Variants in ALKAL2 observed in about 807,000 individuals in gnomAD.
ALKAL2 encodes the protein AUG-alpha.
In ALKAL2, 8 loss-of-function variants were observed where a neutral mutation model predicts 18.5. The ratio of observed to expected loss-of-function variants is 0.43; its 90% CI spans 0.25 to 0.78. The LOEUF (loss-of-function observed/expected upper bound fraction) is 0.78, where lower values mean the gene tolerates loss of function less well. ALKAL2 is among the 30% of genes least tolerant of loss of function. ALKAL2 has a pLI of 0.22. For synonymous variants in ALKAL2, 135 were observed against 95.8 expected, an observed-to-expected ratio of 1.41 and a Z score of -2.39; for missense variants, 241 against 211.2, an observed-to-expected ratio of 1.14 and a Z score of -0.88.
chr2:287,931 A>G (rs1266357570), intron 1 of ALKAL2, 39 bp from the exon 2 acceptor site: 1 of 1,041,886 alleles, frequency 9.6e-7, no homozygotes, highest in African/African-American at 1.8e-5. Context: ...AGAGAAAGTC[A>G]GCGGGGGAGG....
chr2:287,698 C>T lies in ALKAL2; in HGVS notation c.138G>A (p.Gln46=), dbSNP rs759088045. ...ALLRLVVELV[Q]ELRKHHSAEH... ...CCGCCGAGTGGTGCTTCCGCAGCTC[C>T]TGGACGAGTTCCACCACCAGCCGCA... is the stretch of plus-strand genomic sequence containing the variant. Residue 46 remains glutamine, a synonymous_variant, in exon 2 of 6, where the codon CAG becomes CAA. Transcript: ENST00000403610. The T allele has an allele frequency of 1.2e-5, 18 of 1,479,646 alleles. No individual in the cohort carries two copies. Among genetic ancestry groups the T allele is most frequent in the South Asian group, 2.6e-5 (2 of 78,192 alleles). The allele number at this position is 1,479,646 out of a possible 1,614,324, so 91.7% of individuals were successfully genotyped here.
intron 2 of ALKAL2, 93 bp from the exon 3 acceptor site, chr2:286,436 A>G (rs1558269618): frequency 2.1e-6 from 2 of 948,894 alleles, no homozygotes; most frequent in Admixed American, 2.4e-5. Flanking sequence ...TTGGAGCTCC[A>G]TATTAGCCAA....
rs1044533893 is a variant in ALKAL2 at position 288,004 on chromosome 2, G to T, written c.-58+9C>A. 2 of 1,230,206 alleles carry T rather than the reference G, an allele frequency of 1.6e-6. No individual in the cohort carries two copies. The highest frequency in any genetic ancestry group is 3.7e-5 in the South Asian group (1 of 26,802). 76.2% of individuals were successfully genotyped at this position (1,230,206 alleles called of 1,614,324 possible). A position where few individuals can be genotyped will look rare whatever the true frequency, so the allele number is the denominator to read the frequency against. The stretch of plus-strand genomic sequence containing the variant: ...GGAGGAGCCGCTGGCGCTGGACCCG[G>T]CCCCTCACCTCCGCGGACCCCGAGG... On this transcript the variant is annotated intron_variant, in intron 1 of 5. Transcript: ENST00000403610.
chr2:287,855 G>T lies in ALKAL2; in HGVS notation c.-20C>A. On this transcript the variant is annotated 5_prime_UTR_variant, in exon 2 of 6. Coordinates refer to ENST00000403610, the MANE Select transcript of ALKAL2 (RefSeq NM_001002919.3). ...GCGCATCGTGCGCTCGGGGCCGCGG[G>T]GCTGGGAGACTCCGACACGCGCCGA... 1 of 1,283,246 alleles carries T rather than the reference G, an allele frequency of 7.8e-7. No homozygotes were observed. Among genetic ancestry groups the T allele is most frequent in the Non-Finnish European group, 9.8e-7 (1 of 1,022,176 alleles). 79.5% of individuals were successfully genotyped at this position (1,283,246 alleles called of 1,614,324 possible).
intron 5 of ALKAL2, among the ~76,000 whole-genome samples, chr2:282,450 C>G (rs1670384500): frequency 6.6e-6 from 1 of 152,228 alleles, no homozygotes; most frequent in South Asian, 2.1e-4. Flanking sequence ...ATTACAGTTG[C>G]ATCCTGCTGT....
intron 5 of ALKAL2, among the ~76,000 whole-genome samples, 158 bp from the exon 6 acceptor site, chr2:280,310 T>C (rs983978154): frequency 6.6e-6 from 1 of 152,258 alleles, no homozygotes; most frequent in African/African-American, 2.4e-5. Flanking sequence ...GTGTAGTCTA[T>C]TGTATTTTTA....
chr2:284,493 T>C (rs1670442326), intron 4 of ALKAL2, among the ~76,000 whole-genome samples: 1 of 152,192 alleles, frequency 6.6e-6, no homozygotes, highest in African/African-American at 2.4e-5. Context: ...CAGTTCTTTA[T>C]GGGCTAAGAA....
intron 2 of ALKAL2, 71 bp from the exon 3 acceptor site, chr2:286,414 T>A: frequency 8.0e-7 from 1 of 1,254,672 alleles, no homozygotes; most frequent in Non-Finnish European, 1.1e-6. Flanking sequence ...CTTAAGTGAA[T>A]GTTGAAGAAA....
chr2:287,959 G>GGGGGA (rs1342840540), intron 1 of ALKAL2, 54 bp downstream of exon 1: 15 of 1,230,138 alleles, frequency 1.2e-5, no homozygotes, highest in Middle Eastern at 3.1e-4. Context: ...AGCGCGGGGC[G>GGGGGA]GGGGAGGGGA....
In ALKAL2 at chr2:287,597, G is replaced by C; in HGVS notation, c.239C>G (p.Pro80Arg). The stretch of plus-strand genomic sequence containing the variant: ...GCCCCACTCACCCACTCGCTGCTCC[G>C]GCGAAGGCCCCAGCCCCGCCGCCTC... ...RAEAAGLGPS[P>R]EQRVEIVPRD... Residue 80 changes from proline to arginine, a missense_variant, in exon 2 of 6, where the codon CCG (proline) becomes CGG (arginine). By Grantham distance (103) the Pro-to-Arg change is moderately radical. Transcript: ENST00000403610. 1.4e-6 allele frequency: 2 copies of C among 1,465,084 alleles called. No homozygotes were observed. The highest frequency in any genetic ancestry group is 1.8e-6 in the Non-Finnish European group (2 of 1,114,398). The allele number at this position is 1,465,084 out of a possible 1,614,324, so 90.8% of individuals were successfully genotyped here. A position where few individuals can be genotyped will look rare whatever the true frequency, so the allele number is the denominator to read the frequency against.
In ALKAL2 at chr2:279,940, A is replaced by AGAT; in HGVS notation, c.*204_*206dup. The stretch of plus-strand genomic sequence containing the variant: ...TGTGTTTTTTTTTTAAATAAGTGAC[A>AGAT]GATAACACTGTCAAGTACACTGATT... On this transcript the variant is annotated 3_prime_UTR_variant, in exon 6 of 6. Coordinates refer to ENST00000403610, the MANE Select transcript of ALKAL2 (RefSeq NM_001002919.3). The AGAT allele has an allele frequency of 1.9e-6, 1 of 534,006 alleles. No homozygotes were observed. The highest frequency in any genetic ancestry group is 3.4e-5 in the South Asian group (1 of 29,452). The allele number at this position is 534,006 out of a possible 1,614,324, so 33.1% of individuals were successfully genotyped here.
At position 279,918 on chromosome 2, in the gene ALKAL2, G is replaced by GT. The variant is rs373955412; in HGVS notation, c.*228dup. ...GTCAAATGTGGAGCATTCCTTTTGT[G>GT]TTTTTTTTTTAAATAAGTGACAGAT... On this transcript the variant is annotated 3_prime_UTR_variant, in exon 6 of 6. Coordinates refer to ENST00000403610, the MANE Select transcript of ALKAL2 (RefSeq NM_001002919.3). 0.014 allele frequency: 6,458 copies of GT among 456,462 alleles called. 13 individuals carry two copies. Among genetic ancestry groups the GT allele is most frequent in the African/African-American group, 0.024 (1,224 of 50,524 alleles). The allele number at this position is 456,462 out of a possible 1,614,324, so 28.3% of individuals were successfully genotyped here. A position where few individuals can be genotyped will look rare whatever the true frequency, so the allele number is the denominator to read the frequency against.
rs1420661823 is a variant in ALKAL2 at position 287,911 on chromosome 2, G to A, written c.-57-19C>T. ...GGGCTCGCTGCGAGAGAAGGGGCGC[G>A]GGGGGCCGGAGAGAAAGTCAGCGGG... On this transcript the variant is annotated intron_variant, in intron 1 of 5. Transcript: ENST00000403610. 13 of 1,246,096 alleles carry A rather than the reference G, an allele frequency of 1.0e-5. No individual in the cohort carries two copies. In the South Asian group the frequency reaches 4.1e-4, roughly 39 times the overall value. 77.2% of individuals were successfully genotyped at this position (1,246,096 alleles called of 1,614,324 possible).
intron 4 of ALKAL2, 195 bp from the exon 5 acceptor site, chr2:283,370 A>T (rs1041115225): frequency 1.0e-6 from 1 of 985,396 alleles, no homozygotes; most frequent in Non-Finnish European, 1.2e-6. Flanking sequence ...CAAGGGCTTG[A>T]GCTTCAATGG....
intron 4 of ALKAL2, chr2:283,593 T>G: frequency 1.0e-6 from 1 of 985,412 alleles, no homozygotes; most frequent in Non-Finnish European, 1.2e-6. Flanking sequence ...TGCCTGTAAA[T>G]TCTAAAGAAA....
rs1429689350 is a variant in ALKAL2 at position 283,578 on chromosome 2, C to CCTT, written c.389-406_389-404dup. 1.0e-5 allele frequency: 10 copies of CCTT among 985,288 alleles called. No individual in the cohort carries two copies. In the African/African-American group the frequency reaches 1.6e-4, roughly 15 times the overall value. The allele number at this position is 985,288 out of a possible 1,614,324, so 61.0% of individuals were successfully genotyped here. Reference sequence around the variant, plus strand: ...AACTTGAGTTGACCATGGGACAAAGCCTTCTGCCTGTAAATTCTAAAGAAA... The same window carrying CCTT: ...AACTTGAGTTGACCATGGGACAAAGCCTTCTTCTGCCTGTAAATTCTAAAGAAA... On this transcript the variant is annotated intron_variant, in intron 4 of 5. Coordinates refer to ENST00000403610, the MANE Select transcript of ALKAL2 (RefSeq NM_001002919.3).
At chr2:286,231 T>C in intron 3 of ALKAL2, 28 bp from the exon 4 acceptor site, 1 of 1,612,414 alleles carries the variant, frequency 6.2e-7, no homozygotes, top group Non-Finnish European at 8.5e-7. Context: ...AAACAGATCA[T>C]GAAGACTCAC....
chr2:287,492 CA>C lies in ALKAL2; in HGVS notation c.253+90del, dbSNP rs1670558759. 6 of 766,858 alleles carry C rather than the reference CA, an allele frequency of 7.8e-6. No individual in the cohort carries two copies. In the East Asian group the frequency reaches 2.2e-4, roughly 29 times the overall value. 47.5% of individuals were successfully genotyped at this position (766,858 alleles called of 1,614,324 possible). ...AAAAGGAATCCTGCTGTTCAGTGGTCAAAATTGATGTCTCTTTTTGAAACGT... is the reference window on the plus strand; with the variant it reads ...AAAAGGAATCCTGCTGTTCAGTGGTCAAATTGATGTCTCTTTTTGAAACGT... On this transcript the variant is annotated intron_variant, in intron 2 of 5. Transcript: ENST00000403610.
intron 4 of ALKAL2, chr2:285,875 C>A (rs751843443): frequency 4.4e-6 from 2 of 450,846 alleles, no homozygotes; most frequent in African/African-American, 2.0e-5. Flanking sequence ...GGAGGAGAAT[C>A]GGAGTTCAGC....
Sources: allele counts gnomAD v4.1 joint callset (sites outside exome capture counted in the v4.1 genomes callset), GRCh38; gene constraint gnomAD v4.1.1; transcripts MANE v1.5; gene names NCBI Gene and HGNC (gene_info 2026-07-23, HGNC 2026-07-21).